Variants in CDH23 observed in about 807,000 individuals in gnomAD.
CDH23 encodes the protein cadherin related 23.
In CDH23, 189 loss-of-function variants were observed where a neutral mutation model predicts 317.1. The ratio of observed to expected loss-of-function variants is 0.60; its 90% CI spans 0.53 to 0.67. The LOEUF is 0.67. Among genes scored for constraint, CDH23 ranks in the 30% least tolerant of loss-of-function variants. CDH23 has a pLI of 0.00. For synonymous variants in CDH23, 1,839 were observed against 1,876.8 expected (o/e 0.98, Z 0.52); for missense variants, 4,401 against 4,592.4 (o/e 0.96, Z 1.20).
At chr10:71,436,098 G>A (rs192276173) in intron 1 of CDH23, among the ~76,000 whole-genome samples, 4 of 152,360 alleles carry the variant, frequency 2.6e-5, no homozygotes, top group East Asian at 1.9e-4. Context: ...ACCTAGTGTC[G>A]GTGCCACCTC....
At chr10:71,759,305 T>A (rs910951353) in intron 38 of CDH23, among the ~76,000 whole-genome samples, 13 of 151,986 alleles carry the variant, frequency 8.6e-5, no homozygotes, top group Non-Finnish European at 4.4e-5. Context: ...CCTAAAGTGC[T>A]GGGATTACAG....
intron 27 of CDH23, 55 bp from the exon 28 acceptor site, chr10:71,712,610 A>C: frequency 6.3e-7 from 1 of 1,598,824 alleles, no homozygotes; most frequent in Non-Finnish European, 8.5e-7. Context: ...AGTCACAGGA[A>C]GTGTGCCCCT....
chr10:71,471,305 T>A (rs10999835), intron 3 of CDH23, among the ~76,000 whole-genome samples: 10,284 of 152,282 alleles, frequency 0.068, 374 homozygotes, highest in Middle Eastern at 0.11. Context: ...GCAAATGTGT[T>A]GCAGATGGTA....
intron 8 of CDH23, among the ~76,000 whole-genome samples, chr10:71,575,520 G>A (rs1396807570): frequency 1.3e-5 from 2 of 152,130 alleles, no homozygotes; most frequent in Non-Finnish European, 2.9e-5. Flanking sequence ...GTGCTTTTCT[G>A]CTCCTCCCAT....
intron 14 of CDH23, 41 bp downstream of exon 14, chr10:71,646,658 G>A (rs1463243898): frequency 1.9e-6 from 3 of 1,613,852 alleles, no homozygotes; most frequent in South Asian, 1.1e-5. Flanking sequence ...AGCTCTCCAG[G>A]GCCGACTGTG....
intron 8 of CDH23, 23 bp from the exon 9 acceptor site, chr10:71,577,891 A>G: frequency 6.4e-7 from 1 of 1,571,056 alleles, no homozygotes; most frequent in Non-Finnish European, 8.7e-7. Context: ...CCCAAACTCA[A>G]GTCCCTCCTC....
chr10:71,516,233 C>T (rs1398113638), intron 6 of CDH23, among the ~76,000 whole-genome samples: 1 of 152,174 alleles, frequency 6.6e-6, no homozygotes, highest in Non-Finnish European at 1.5e-5. Flanking sequence ...TGTGACAGGT[C>T]CTGTACAGAT....
chr10:71,709,853 C>G (rs1159062210), intron 27 of CDH23, among the ~76,000 whole-genome samples: 1 of 152,058 alleles, frequency 6.6e-6, no homozygotes, highest in African/African-American at 2.4e-5. Flanking sequence ...ACTTACAGTT[C>G]CACGTGGCTG....
chr10:71,591,702 C>T (rs1047613110), intron 9 of CDH23, among the ~76,000 whole-genome samples: 8 of 152,144 alleles, frequency 5.3e-5, no homozygotes, highest in African/African-American at 1.9e-4. Context: ...GAAGATCAGG[C>T]AATGCTGATG....
chr10:71,776,780 G>A (rs1840824516), intron 38 of CDH23, among the ~76,000 whole-genome samples: 2 of 152,322 alleles, frequency 1.3e-5, no homozygotes, highest in Middle Eastern at 3.4e-3. Flanking sequence ...AGGGAGTGTG[G>A]AAGAAACACC....
At chr10:71,796,967 C>G (rs527671787) in intron 48 of CDH23, 137 bp from the exon 49 acceptor site, 8 of 626,492 alleles carry the variant, frequency 1.3e-5, no homozygotes, top group Non-Finnish European at 1.5e-5. Context: ...TGGGCCCACC[C>G]CAGCCACAAG....
intron 6 of CDH23, among the ~76,000 whole-genome samples, chr10:71,541,968 G>A (rs756152391): frequency 2.0e-5 from 3 of 152,128 alleles, no homozygotes; most frequent in Non-Finnish European, 4.4e-5. Flanking sequence ...ACAAAGACAG[G>A]CAGTGGGCCA....
At chr10:71,415,583 A>T (rs1848501244) in intron 1 of CDH23, among the ~76,000 whole-genome samples, 1 of 152,220 alleles carries the variant, frequency 6.6e-6, no homozygotes, top group Admixed American at 6.5e-5. Flanking sequence ...ACTTTTTGAG[A>T]TACATACATA....
intron 6 of CDH23, among the ~76,000 whole-genome samples, chr10:71,547,453 G>T (rs947141024): frequency 1.3e-5 from 2 of 152,262 alleles, no homozygotes; most frequent in East Asian, 3.9e-4. Flanking sequence ...AGGCCAGGCA[G>T]CGCAGGTGTG....
intron 18 of CDH23, 106 bp from the exon 19 acceptor site, chr10:71,687,541 T>C (rs953680706): frequency 1.0e-6 from 1 of 999,572 alleles, no homozygotes. Flanking sequence ...CCAAAGCTCT[T>C]TAGGGCCAGC....
chr10:71,756,428 TC>T (rs1234841813), intron 38 of CDH23, among the ~76,000 whole-genome samples: 2 of 152,226 alleles, frequency 1.3e-5, no homozygotes, highest in East Asian at 3.8e-4. Context: ...ACATGTTGTT[TC>T]CATTTTCAGC....
intron 3 of CDH23, among the ~76,000 whole-genome samples, chr10:71,458,137 C>T: frequency 6.6e-6 from 1 of 152,254 alleles, no homozygotes; most frequent in Non-Finnish European, 1.5e-5. Context: ...TGTCATCACT[C>T]CCCTCATCAG....
At position 71,793,271 on chromosome 10, in the gene CDH23, C is replaced by A. The variant is rs375329233; in HGVS notation, c.6343C>A (p.Arg2115Ser). 1 of 1,613,902 alleles carries A rather than the reference C, an allele frequency of 6.2e-7. No individual in the cohort carries two copies. The highest frequency in any genetic ancestry group is 8.5e-7 in the Non-Finnish European group (1 of 1,179,876). ...VYRIEAGAQD[R>S]FLIHLVTGVI... ...CCGAATAGAAGCTGGGGCTCAGGAC[C>A]GCTTCCTCATTCATCTGGTCACCGG... Residue 2115 changes from arginine to serine, a missense_variant, in exon 48 of 70, where the codon CGC becomes AGC. Arg to Ser is a moderately radical substitution (Grantham distance 110, BLOSUM62 -1). This residue lies in a region of CDH23 where 3,068 missense variants were observed against 3,203.3 expected (regional missense o/e 0.96). Coordinates refer to ENST00000224721, the MANE Select transcript of CDH23 (RefSeq NM_022124.6).
At position 71,803,385 on chromosome 10, in the gene CDH23, C is replaced by T. The variant is rs759531384; in HGVS notation, c.7837C>T (p.Arg2613Cys). 15 of 1,598,536 alleles carry T rather than the reference C, an allele frequency of 9.4e-6. No individual in the cohort carries two copies. Among genetic ancestry groups the T allele is most frequent in the African/African-American group, 8.1e-5 (6 of 74,252 alleles). Residue 2613 changes from arginine (R) to cysteine (C), a missense_variant, in exon 55 of 70, where the codon CGC becomes TGC. Coordinates refer to ENST00000224721, the MANE Select transcript of CDH23 (RefSeq NM_022124.6). ...DVNDNRPVFVRPPNGTILHIR... is the reference protein window; with the variant it reads ...DVNDNRPVFVCPPNGTILHIR... ...CAATGACAACCGCCCTGTCTTTGTG[C>T]GCCCACCCAACGGCACCATCCTCCA...
Sources: allele counts gnomAD v4.1 joint callset (sites outside exome capture counted in the v4.1 genomes callset), GRCh38; gene constraint gnomAD v4.1.1; regional missense constraint gnomAD v4.1.1; transcripts MANE v1.5; gene names NCBI Gene and HGNC (gene_info 2026-07-23, HGNC 2026-07-21).